The following GABRB3 variants were observed in gnomAD, a reference collection of about 807,000 sequenced individuals.
The protein encoded by GABRB3 is gamma-aminobutyric acid receptor subunit beta-3.
A neutral mutation model predicts 52.1 loss-of-function variants in GABRB3; 14 were observed. The ratio of observed to expected loss-of-function variants is 0.27; its 90% CI spans 0.18 to 0.42. The LOEUF is 0.42. GABRB3 is among the 10% of genes least tolerant of loss of function. The pLI, the probability that GABRB3 is intolerant of heterozygous loss-of-function variation, is 1.00. For synonymous variants in GABRB3, 260 were observed against 232.3 expected (o/e 1.12, Z -1.08); for missense variants, 307 against 609.1 (o/e 0.50, Z 5.22).
At chr15:26,703,453 A>G (rs1320216389) in intron 3 of GABRB3, among the ~76,000 whole-genome samples, 1 of 152,114 alleles carries the variant, frequency 6.6e-6, no homozygotes, top group Non-Finnish European at 1.5e-5. Context: ...TCAAACCACA[A>G]CAATCTGATT....
chr15:26,743,926 T>C (rs1457796473), intron 3 of GABRB3, among the ~76,000 whole-genome samples: 1 of 151,154 alleles, frequency 6.6e-6, no homozygotes, highest in African/African-American at 2.4e-5. Flanking sequence ...AACAAACTTC[T>C]TTCTCAACTC....
intron 3 of GABRB3, among the ~76,000 whole-genome samples, chr15:26,738,390 GGCT>G (rs775091414): frequency 1.6e-4 from 24 of 152,076 alleles, no homozygotes; most frequent in Non-Finnish European, 3.2e-4. Context: ...TCCAGTCTTG[GGCT>G]TACTGACAAA....
chr15:26,616,171 G>A (rs1164947250), intron 4 of GABRB3: 1 of 1,007,174 alleles, frequency 9.9e-7, no homozygotes, highest in Non-Finnish European at 1.4e-6. Context: ...GGGAGGGAAG[G>A]TGGGCCTTGG....
Position 26,554,166 on chromosome 15 carries a change from T to A in GABRB3, c.1081-6032A>T, listed in dbSNP as rs556696972. On this transcript the variant is annotated intron_variant, in intron 8 of 8. Coordinates refer to ENST00000311550, the MANE Select transcript of GABRB3 (RefSeq NM_000814.6). ...AAAGTATATATATATATAAAGTATA[T>A]ATATATAAAGTATATATATATATAC... Among the ~76,000 whole-genome samples the A allele has an allele frequency of 5.9e-3, 197 of 33,250 alleles. 19 individuals are homozygous for A. The highest frequency in any genetic ancestry group is 0.02 in the African/African-American group (189 of 9,456). 21.8% of individuals were successfully genotyped at this position (33,250 alleles called of 152,430 possible).
In GABRB3 at chr15:26,707,076, A is replaced by C. The variant is rs143907044; in HGVS notation, c.240+65326T>G. 7.8e-3 allele frequency among the ~76,000 whole-genome samples: 1,185 copies of C among 152,334 alleles called. 6 individuals carry two copies. The highest frequency in any genetic ancestry group is 0.011 in the Non-Finnish European group (717 of 68,036). The stretch of plus-strand genomic sequence containing the variant: ...CAACGGGAAAGAATCGGGGAAATAC[A>C]TGATTGCAAACACATGATAAATATT... On this transcript the variant is annotated intron_variant, in intron 3 of 8. Coordinates refer to ENST00000311550, the MANE Select transcript of GABRB3 (RefSeq NM_000814.6).
intron 7 of GABRB3, among the ~76,000 whole-genome samples, chr15:26,566,731 CA>C (rs556818758): frequency 2.0e-5 from 3 of 148,922 alleles, no homozygotes; most frequent in African/African-American, 7.4e-5. Flanking sequence ...GACTCTGTCT[CA>C]AAAAAAAAGA....
intron 3 of GABRB3, among the ~76,000 whole-genome samples, chr15:26,723,290 T>C (rs1889690294): frequency 6.6e-6 from 1 of 152,250 alleles, no homozygotes; most frequent in African/African-American, 2.4e-5. Context: ...TTTTCCTATG[T>C]GAAAATAATT....
intron 3 of GABRB3, among the ~76,000 whole-genome samples, chr15:26,748,276 A>T (rs751446960): frequency 1.3e-5 from 2 of 152,026 alleles, no homozygotes; most frequent in Non-Finnish European, 2.9e-5. Flanking sequence ...TCTAGAGGAG[A>T]CTGCATACAG....
intron 3 of GABRB3, among the ~76,000 whole-genome samples, chr15:26,697,583 T>G (rs1487190779): frequency 6.6e-6 from 1 of 152,104 alleles, no homozygotes; most frequent in Admixed American, 6.5e-5. Context: ...AGGGAGCACA[T>G]ATGCCAGTCC....
intron 8 of GABRB3, among the ~76,000 whole-genome samples, chr15:26,552,270 G>A (rs1437679957): frequency 1.3e-5 from 2 of 152,110 alleles, no homozygotes; most frequent in Non-Finnish European, 2.9e-5. Flanking sequence ...GCCTCCCAAA[G>A]TGCTGGGATT....
intron 3 of GABRB3, among the ~76,000 whole-genome samples, chr15:26,723,784 T>C (rs1184508688): frequency 4.6e-5 from 7 of 152,208 alleles, no homozygotes; most frequent in African/African-American, 7.2e-5. Context: ...CACATTTCTC[T>C]CTGATTATCC....
intron 3 of GABRB3, among the ~76,000 whole-genome samples, chr15:26,702,998 T>G (rs564017273): frequency 1.3e-5 from 2 of 152,156 alleles, no homozygotes; most frequent in South Asian, 4.1e-4. Context: ...AATGGCCTTT[T>G]TGCTTTAATC....
At position 26,546,957 on chromosome 15, in the gene GABRB3, G is replaced by A. The variant is rs1889270344; in HGVS notation, c.*836C>T. ...GATGTAGAGCACATTTTCAGTGATT[G>A]AAATGTCACTGGCCAAACGTGTCAC... On this transcript the variant is annotated 3_prime_UTR_variant, in exon 9 of 9. Coordinates refer to ENST00000311550, the MANE Select transcript of GABRB3 (RefSeq NM_000814.6). 6.6e-6 allele frequency: 1 copy of A among 151,740 alleles called. No individual in the cohort carries two copies. Among genetic ancestry groups the A allele is most frequent in the Admixed American group, 6.6e-5 (1 of 15,160 alleles). 9.4% of individuals were successfully genotyped at this position (151,740 alleles called of 1,614,324 possible).
At chr15:26,558,284 A>G (rs1442749311) in intron 8 of GABRB3, among the ~76,000 whole-genome samples, 1 of 152,152 alleles carries the variant, frequency 6.6e-6, no homozygotes, top group Non-Finnish European at 1.5e-5. Flanking sequence ...GACCAACTCT[A>G]TTTATGCTGT....
chr15:26,714,943 C>T (rs1308286852), intron 3 of GABRB3, among the ~76,000 whole-genome samples: 1 of 152,076 alleles, frequency 6.6e-6, no homozygotes, highest in African/African-American at 2.4e-5. Flanking sequence ...CACAACCATC[C>T]GCTGCCTCAA....
At chr15:26,605,057 AAAC>A (rs1290762007) in intron 4 of GABRB3, among the ~76,000 whole-genome samples, 3 of 152,216 alleles carry the variant, frequency 2.0e-5, no homozygotes, top group African/African-American at 7.2e-5. Context: ...TAAGGTGCTC[AAAC>A]AACTCTATAG....
chr15:26,626,307 G>A (rs941010859), intron 3 of GABRB3, among the ~76,000 whole-genome samples: 2 of 151,978 alleles, frequency 1.3e-5, no homozygotes, highest in Non-Finnish European at 2.9e-5. Flanking sequence ...CTCTCCTTGG[G>A]CCTCCCTATT....
chr15:26,673,782 A>T (rs1887972118), intron 3 of GABRB3, among the ~76,000 whole-genome samples: 1 of 152,238 alleles, frequency 6.6e-6, no homozygotes, highest in Non-Finnish European at 1.5e-5. Flanking sequence ...CCAGAGTGTT[A>T]AAAACTTTGT....
At position 26,547,385 on chromosome 15, in the gene GABRB3, T is replaced by C. The variant is rs918074078; in HGVS notation, c.*408A>G. ...AACTAAAACATCTAACTTATGATAATACAAGACACATTTGGGGATGATATT... is the reference window on the plus strand; with the variant it reads ...AACTAAAACATCTAACTTATGATAACACAAGACACATTTGGGGATGATATT... On this transcript the variant is annotated 3_prime_UTR_variant, in exon 9 of 9. Transcript: ENST00000311550. 7.1e-6 allele frequency: 3 copies of C among 424,070 alleles called. No homozygotes were observed. Among genetic ancestry groups the C allele is most frequent in the African/African-American group, 6.1e-5 (3 of 48,916 alleles). The allele number at this position is 424,070 out of a possible 1,614,324, so 26.3% of individuals were successfully genotyped here.
Sources: gnomAD v4.1 joint callset for allele counts (sites outside exome capture counted in the v4.1 genomes callset) on GRCh38, gnomAD v4.1.1 for gene constraint, MANE v1.5 for transcripts, NCBI Gene and HGNC (gene_info 2026-07-23, HGNC 2026-07-21) for gene names.